GRB10: variants seen among roughly 807,000 people sequenced by gnomAD.
GRB10 encodes the protein growth factor receptor-bound protein 10.
Under a neutral mutation model 80.9 loss-of-function variants are expected in GRB10, and 20 were observed. The observed-to-expected ratio is 0.25, with a 90% CI of 0.17 to 0.36. GRB10 has a LOEUF of 0.36. Among genes scored for constraint, GRB10 ranks in the 10% least tolerant of loss-of-function variants. The pLI, the probability that GRB10 is intolerant of heterozygous loss-of-function variation, is 1.00. For synonymous variants in GRB10, 291 were observed against 291.5 expected (o/e 1.00, Z 0.02); for missense variants, 548 against 747.7 (o/e 0.73, Z 3.12).
chr7:50,611,154 A>G (rs1230129156), intron 13 of GRB10, among the ~76,000 whole-genome samples: 3 of 152,240 alleles, frequency 2.0e-5, no homozygotes, highest in Non-Finnish European at 4.4e-5. Flanking sequence ...TCTCTCCTGC[A>G]GCTCACACAA....
At chr7:50,645,456 G>T in intron 7 of GRB10, 1 of 257,210 alleles carries the variant, frequency 3.9e-6, no homozygotes, top group Non-Finnish European at 6.1e-6. Context: ...GGGCTGGCAG[G>T]GAAGAAACAT....
At chr7:50,618,879 T>C (rs1218251715) in intron 9 of GRB10, among the ~76,000 whole-genome samples, 1 of 152,242 alleles carries the variant, frequency 6.6e-6, no homozygotes, top group Non-Finnish European at 1.5e-5. Flanking sequence ...ACTTTCAAAA[T>C]AACAGAAAAC....
chr7:50,593,391 C>T (rs2046062728), intron 18 of GRB10, among the ~76,000 whole-genome samples: 1 of 152,126 alleles, frequency 6.6e-6, no homozygotes, highest in African/African-American at 2.4e-5. Flanking sequence ...AAGTTGCCCC[C>T]AGTTCACCCA....
chr7:50,656,803 T>C (rs1053905557), intron 7 of GRB10, among the ~76,000 whole-genome samples: 2 of 152,174 alleles, frequency 1.3e-5, no homozygotes, highest in Non-Finnish European at 2.9e-5. Context: ...ACTCACTCTA[T>C]CCCGGATGTG....
At chr7:50,666,434 T>C (rs2059808060) in intron 7 of GRB10, among the ~76,000 whole-genome samples, 1 of 152,092 alleles carries the variant, frequency 6.6e-6, no homozygotes, top group Non-Finnish European at 1.5e-5. Flanking sequence ...GAATTTTCCC[T>C]CCCCTCCTTC....
At chr7:50,607,972 T>C (rs181928692) in intron 13 of GRB10, among the ~76,000 whole-genome samples, 3 of 152,298 alleles carry the variant, frequency 2.0e-5, no homozygotes, top group African/African-American at 7.2e-5. Flanking sequence ...TCATGGCACA[T>C]ACTCATTTCT....
chr7:50,691,580 C>T (rs2062820851), intron 5 of GRB10, among the ~76,000 whole-genome samples: 3 of 152,168 alleles, frequency 2.0e-5, no homozygotes, highest in Admixed American at 1.3e-4. Flanking sequence ...GGTAAGAAAT[C>T]ATGACATATC....
At chr7:50,748,325 C>T (rs1187338079) in intron 3 of GRB10, among the ~76,000 whole-genome samples, 1 of 152,226 alleles carries the variant, frequency 6.6e-6, no homozygotes, top group African/African-American at 2.4e-5. Flanking sequence ...CAGTGCACAC[C>T]TACCTGCTAT....
intron 4 of GRB10, among the ~76,000 whole-genome samples, chr7:50,731,107 A>T (rs145380047): frequency 7.2e-5 from 11 of 152,336 alleles, no homozygotes; most frequent in Non-Finnish European, 1.2e-4. Context: ...ACAATTATGC[A>T]GAGGGAGAGG....
intron 9 of GRB10, 51 bp from the exon 10 acceptor site, chr7:50,618,190 G>A: frequency 7.4e-7 from 1 of 1,343,138 alleles, no homozygotes; most frequent in Non-Finnish European, 1.1e-6. Context: ...TCAAAGTGAG[G>A]GAAGGTATGT....
chr7:50,717,977 G>A (rs2067143397), intron 4 of GRB10, among the ~76,000 whole-genome samples: 2 of 152,250 alleles, frequency 1.3e-5, no homozygotes, highest in African/African-American at 2.4e-5. Flanking sequence ...CCCCCAGGCA[G>A]AGACTCCTCT....
chr7:50,782,561 CGGGCT>C lies in GRB10; in HGVS notation c.-469_-465del. 6.6e-6 allele frequency: 1 copy of C among 150,846 alleles called. No individual in the cohort carries two copies. The highest frequency in any genetic ancestry group is 2.0e-4 in the East Asian group (1 of 5,120). 9.3% of individuals were successfully genotyped at this position (150,846 alleles called of 1,614,324 possible). A position where few individuals can be genotyped will look rare whatever the true frequency, so the allele number is the denominator to read the frequency against. ...GCATGGACAGCGCTCGGAGCCGGGC[CGGGCT>C]GGTCCTCCACGGCTCCGCCCCGGCC... On this transcript the variant is annotated 5_prime_UTR_variant, in exon 1 of 19. Transcript: ENST00000401949. The surrounding 1 kb of genome is among the most constrained non-coding windows in gnomAD (Gnocchi z 6.6).
At chr7:50,595,352 T>C (rs1442685042) in intron 18 of GRB10, 85 bp downstream of exon 18, 3 of 804,068 alleles carry the variant, frequency 3.7e-6, no homozygotes, top group African/African-American at 1.7e-5. Flanking sequence ...CTTACCGGTC[T>C]TGTCGGTTTA....
intron 7 of GRB10, among the ~76,000 whole-genome samples, chr7:50,638,949 G>T (rs182764888): frequency 6.6e-6 from 1 of 152,324 alleles, no homozygotes; most frequent in African/African-American, 2.4e-5. Flanking sequence ...AACATGGGTG[G>T]AGCTGGAGGC....
intron 7 of GRB10, among the ~76,000 whole-genome samples, chr7:50,633,568 T>C (rs1439941121): frequency 2.0e-5 from 3 of 151,974 alleles, no homozygotes; most frequent in African/African-American, 7.3e-5. Context: ...AATGAAAACT[T>C]TGAAATGACA....
Position 50,592,966 on chromosome 7 carries a change from G to A in GRB10, c.1771C>T (p.Arg591Ter), listed in dbSNP as rs775842626. 5.0e-6 allele frequency: 8 copies of A among 1,614,176 alleles called. No homozygotes were observed. Among genetic ancestry groups the A allele is most frequent in the South Asian group, 3.3e-5 (3 of 91,074 alleles). ...LPCKLKHHCI[R>*]VAL ...GACATCTGCGGTCATAAGGCCACTC[G>A]GATGCAGTGGTGCTTGAGTTTGCAA... The change falls in exon 19 of 19, where the codon CGA becomes TGA. Residue 591 changes from arginine (R) to a stop codon, truncating the protein, a stop_gained. Transcript: ENST00000401949. LOFTEE classifies it high-confidence loss of function.
chr7:50,772,814 AGAC>A (rs2077114301), intron 2 of GRB10, among the ~76,000 whole-genome samples: 1 of 152,264 alleles, frequency 6.6e-6, no homozygotes, highest in South Asian at 2.1e-4. Flanking sequence ...GACAGTGAAA[AGAC>A]AGCCTGCAGA....
intron 4 of GRB10, among the ~76,000 whole-genome samples, chr7:50,713,336 A>C (rs965232089): frequency 1.4e-5 from 2 of 140,434 alleles, no homozygotes; most frequent in Admixed American, 7.1e-5. Flanking sequence ...CCTTCCCACC[A>C]CCTCCTTCCA....
chr7:50,712,427 A>AG (rs2066037091), intron 4 of GRB10, among the ~76,000 whole-genome samples: 1 of 152,228 alleles, frequency 6.6e-6, no homozygotes, highest in Non-Finnish European at 1.5e-5. Flanking sequence ...TCAAGGAACA[A>AG]GGGGGATGCT....
Sources: gnomAD v4.1 joint callset for allele counts (sites outside exome capture counted in the v4.1 genomes callset) on GRCh38, gnomAD v4.1.1 for gene constraint, Gnocchi (gnomAD v3.1) non-coding constraint, MANE v1.5 for transcripts, NCBI Gene and HGNC (gene_info 2026-07-23, HGNC 2026-07-21) for gene names.